The following NKAIN2 variants were observed in gnomAD, a reference collection of about 807,000 sequenced individuals.
NKAIN2 encodes the protein sodium/potassium transporting ATPase interacting 2, also known as sodium/potassium-transporting ATPase subunit beta-1-interacting protein 2.
NKAIN2 carries 14 observed loss-of-function variants against 32.6 expected under a neutral mutation model. The ratio of observed to expected loss-of-function variants is 0.43; its 90% confidence interval spans 0.28 to 0.67. The LOEUF (loss-of-function observed/expected upper bound fraction) is 0.67. NKAIN2 is among the 30% of genes least tolerant of loss of function. The probability of loss-of-function intolerance (pLI) is 0.17; values close to 1 mark genes in which losing one functional copy is unlikely to be tolerated. For synonymous variants in NKAIN2, 80 were observed against 87.2 expected, an observed-to-expected ratio of 0.92 and a Z score of 0.46; for missense variants, 198 against 258.3, an observed-to-expected ratio of 0.77 and a Z score of 1.60.
At chr6:124,414,207 CT>C (rs1190280001) in intron 3 of NKAIN2, among the ~76,000 whole-genome samples, 1 of 152,010 alleles carries the variant, frequency 6.6e-6, no homozygotes, top group African/African-American at 2.4e-5. Context: ...AAGTTTCCTT[CT>C]GTTTCTTCTT....
rs557723562 is a variant in NKAIN2, at chr6:123,814,139, C to T, written c.54+9885C>T. On this transcript the variant is annotated intron_variant, in intron 1 of 6. Coordinates refer to ENST00000368417, the MANE Select transcript of NKAIN2 (RefSeq NM_001040214.3). The stretch of plus-strand genomic sequence containing the variant: ...GGAATTAAAGGCTTCTTTCATTTTC[C>T]TACAAGGCAGGGGGTGGAGGGATGG... 2.6e-5 allele frequency among the ~76,000 whole-genome samples: 4 copies of T among 152,186 alleles called. No homozygotes were observed. The East Asian group carries it at 7.7e-4, about 29-fold the overall frequency.
At chr6:124,582,619 G>A (rs181831611) in intron 3 of NKAIN2, among the ~76,000 whole-genome samples, 20 of 152,128 alleles carry the variant, frequency 1.3e-4, no homozygotes, top group Admixed American at 2.0e-4. Flanking sequence ...TACAAGGCTA[G>A]TATTGTCTTG....
chr6:124,395,339 C>A (rs2114432955), intron 3 of NKAIN2, among the ~76,000 whole-genome samples: 1 of 152,050 alleles, frequency 6.6e-6, no homozygotes, highest in African/African-American at 2.4e-5. Context: ...GCATTTTTAC[C>A]TTTTATACTG....
At position 123,804,080 on chromosome 6, in the gene NKAIN2, C is replaced by A; in HGVS notation, c.-121C>A. ...CCCAGGACGCTGGCAGCAGCAGCAG[C>A]CCGGAGCCCCCGAGCCCTCGGCAGG... On this transcript the variant is annotated 5_prime_UTR_variant, in exon 1 of 7. Transcript: ENST00000368417. The A allele has an allele frequency of 1.1e-6, 1 of 893,930 alleles. No homozygotes were observed. The highest frequency in any genetic ancestry group is 1.9e-6 in the Non-Finnish European group (1 of 527,890). 55.4% of individuals were successfully genotyped at this position (893,930 alleles called of 1,614,324 possible).
chr6:123,830,393 A>G (rs1049428242), intron 1 of NKAIN2, among the ~76,000 whole-genome samples: 1 of 152,146 alleles, frequency 6.6e-6, no homozygotes, highest in African/African-American at 2.4e-5. Flanking sequence ...ATTTACAAGG[A>G]CATGCCTGGC....
chr6:124,148,587 G>C (rs1043945056), intron 1 of NKAIN2, among the ~76,000 whole-genome samples: 2 of 152,028 alleles, frequency 1.3e-5, no homozygotes, highest in African/African-American at 4.8e-5. Flanking sequence ...TGTGGTGTTT[G>C]GGACTGGCTT....
At chr6:123,928,866 A>G (rs777130272) in intron 1 of NKAIN2, among the ~76,000 whole-genome samples, 14 of 152,188 alleles carry the variant, frequency 9.2e-5, no homozygotes, top group African/African-American at 3.1e-4. Context: ...ACAAATTTCT[A>G]TCAATATTAT....
At chr6:123,874,223 T>G (rs1258897742) in intron 1 of NKAIN2, among the ~76,000 whole-genome samples, 4 of 152,184 alleles carry the variant, frequency 2.6e-5, no homozygotes, top group Non-Finnish European at 2.9e-5. Flanking sequence ...GATGGTTTCC[T>G]TCCCTCTTCT....
At chr6:124,527,665 C>A (rs906986921) in intron 3 of NKAIN2, among the ~76,000 whole-genome samples, 1 of 152,082 alleles carries the variant, frequency 6.6e-6, no homozygotes, top group Admixed American at 6.5e-5. Context: ...GGAGAGACAA[C>A]CAAGTAAGCA....
At chr6:124,759,588 A>AACACACACACACACAC (rs542448143) in intron 4 of NKAIN2, among the ~76,000 whole-genome samples, 5 of 84,492 alleles carry the variant, frequency 5.9e-5, no homozygotes, top group African/African-American at 2.1e-4. Flanking sequence ...CTGAAATTGC[A>AACACACACACACACAC]ACACACACAC....
chr6:124,179,370 G>A (rs1263390912), intron 1 of NKAIN2, among the ~76,000 whole-genome samples: 1 of 152,148 alleles, frequency 6.6e-6, no homozygotes, highest in Non-Finnish European at 1.5e-5. Flanking sequence ...GCAATCAGAA[G>A]GAAGTGATCT....
chr6:124,214,505 T>G (rs1791366518), intron 1 of NKAIN2, among the ~76,000 whole-genome samples: 1 of 152,200 alleles, frequency 6.6e-6, no homozygotes, highest in Middle Eastern at 3.4e-3. Context: ...TCCCAGCACT[T>G]TGGGAAGCCA....
intron 1 of NKAIN2, among the ~76,000 whole-genome samples, chr6:124,105,240 C>G (rs1011082488): frequency 2.0e-5 from 3 of 152,126 alleles, no homozygotes; most frequent in African/African-American, 7.2e-5. Context: ...AAGTGTTTGC[C>G]TTTCAGAGGA....
chr6:124,146,643 G>A (rs1003110620), intron 1 of NKAIN2, among the ~76,000 whole-genome samples: 16 of 152,078 alleles, frequency 1.1e-4, no homozygotes, highest in African/African-American at 3.9e-4. Context: ...AATAACCTGT[G>A]TTATATTCAC....
At chr6:123,860,832 A>T (rs1019462083) in intron 1 of NKAIN2, among the ~76,000 whole-genome samples, 1 of 152,082 alleles carries the variant, frequency 6.6e-6, no homozygotes, top group Admixed American at 6.6e-5. Flanking sequence ...TTCTCATGTC[A>T]TGTCTCCTTG....
chr6:123,857,235 A>G (rs1455529757), intron 1 of NKAIN2, among the ~76,000 whole-genome samples: 1 of 150,078 alleles, frequency 6.7e-6, no homozygotes, highest in Non-Finnish European at 1.5e-5. Context: ...GCAGGACCTC[A>G]TCATTTAAAA....
intron 4 of NKAIN2, among the ~76,000 whole-genome samples, chr6:124,750,233 AG>A: frequency 1.3e-5 from 2 of 152,090 alleles, no homozygotes; most frequent in Non-Finnish European, 1.5e-5. Context: ...CTTTTGCCCT[AG>A]AGAACCTCAT....
intron 1 of NKAIN2, among the ~76,000 whole-genome samples, chr6:123,923,667 T>C (rs986567414): frequency 1.0e-4 from 15 of 148,912 alleles, no homozygotes; most frequent in Admixed American, 3.4e-4. Context: ...TGGAAACCAT[T>C]ATTCTCAGTA....
At chr6:123,826,839 A>G (rs1370927963) in intron 1 of NKAIN2, among the ~76,000 whole-genome samples, 6 of 152,074 alleles carry the variant, frequency 3.9e-5, no homozygotes, top group Admixed American at 1.3e-4. Context: ...TCCTGCTTTT[A>G]GTTCTTTTGG....
Sources: gnomAD v4.1 joint callset for allele counts (sites outside exome capture counted in the v4.1 genomes callset) on GRCh38, gnomAD v4.1.1 for gene constraint, MANE v1.5 for transcripts, NCBI Gene and HGNC (gene_info 2026-07-23, HGNC 2026-07-21) for gene names.